The following TJP1 variants were observed in gnomAD, a reference collection of about 807,000 sequenced individuals.
The protein encoded by TJP1 is tight junction protein 1.
TJP1 carries 43 observed loss-of-function variants against 194.2 expected under a neutral mutation model. The ratio of observed to expected loss-of-function variants is 0.22; its 90% CI spans 0.17 to 0.29. TJP1 has a LOEUF of 0.29. TJP1 is among the 10% of genes least tolerant of loss of function. The probability of loss-of-function intolerance (pLI) is 1.00; values close to 1 mark genes in which losing one functional copy is unlikely to be tolerated. For synonymous variants in TJP1, 801 were observed against 779.0 expected, an observed-to-expected ratio of 1.03 and a Z score of -0.47; for missense variants, 1,971 against 2,185.7, an observed-to-expected ratio of 0.90 and a Z score of 1.96.
chr15:29,811,541 A>G (rs572476116), intron 1 of TJP1, among the ~76,000 whole-genome samples: 1 of 152,306 alleles, frequency 6.6e-6, no homozygotes, highest in Admixed American at 6.5e-5. Context: ...TTGCTAATCA[A>G]CCATTCACCA....
At chr15:29,965,020 T>A (rs1359310268) in intron 1 of TJP1, among the ~76,000 whole-genome samples, 1 of 152,070 alleles carries the variant, frequency 6.6e-6, no homozygotes, top group African/African-American at 2.4e-5. Context: ...CAGGCACAAA[T>A]GCCCAAGCGA....
chr15:29,881,868 C>T (rs569192166), intron 2 of TJP1, among the ~76,000 whole-genome samples: 11 of 151,752 alleles, frequency 7.2e-5, no homozygotes, highest in Non-Finnish European at 1.6e-4. Flanking sequence ...TTCTGTGCTA[C>T]AGAAAGTAAA....
intron 2 of TJP1, among the ~76,000 whole-genome samples, chr15:29,953,386 C>T (rs985065634): frequency 2.6e-5 from 4 of 152,116 alleles, no homozygotes; most frequent in Non-Finnish European, 5.9e-5. Flanking sequence ...AGGTGATCCA[C>T]CCACCTTGGC....
intron 23 of TJP1, among the ~76,000 whole-genome samples, chr15:29,714,954 G>A (rs1168814341): frequency 1.3e-5 from 2 of 152,144 alleles, no homozygotes; most frequent in Non-Finnish European, 1.5e-5. Context: ...TGTGTTTAAC[G>A]GTGTTTAGTA....
chr15:29,727,759 T>TAC (rs1337816036), intron 16 of TJP1, among the ~76,000 whole-genome samples, 178 bp downstream of exon 16: 1 of 152,222 alleles, frequency 6.6e-6, no homozygotes, highest in African/African-American at 2.4e-5. Context: ...TTCTGATGCC[T>TAC]ACAGTAACTA....
At chr15:29,904,081 A>C (rs1233106402) in intron 2 of TJP1, among the ~76,000 whole-genome samples, 2 of 152,126 alleles carry the variant, frequency 1.3e-5, no homozygotes, top group Non-Finnish European at 2.9e-5. Context: ...AACATCTAAA[A>C]TCCTGGATCC....
At chr15:29,921,792 A>T (rs1008668272) in intron 2 of TJP1, among the ~76,000 whole-genome samples, 2 of 152,044 alleles carry the variant, frequency 1.3e-5, no homozygotes, top group African/African-American at 4.8e-5. Context: ...CTCAACAGTA[A>T]CAAGAGTCTG....
At chr15:29,841,423 G>A (rs1442688417) in intron 2 of TJP1, among the ~76,000 whole-genome samples, 1 of 152,102 alleles carries the variant, frequency 6.6e-6, no homozygotes, top group African/African-American at 2.4e-5. Flanking sequence ...TTAAAAGGAG[G>A]CCCACCCTTC....
intron 18 of TJP1, among the ~76,000 whole-genome samples, chr15:29,724,259 G>A (rs2043109309): frequency 1.3e-5 from 2 of 152,214 alleles, no homozygotes; most frequent in Non-Finnish European, 2.9e-5. Flanking sequence ...CATCTGCCAG[G>A]CTGGGCTGGG....
At chr15:29,873,440 C>T (rs964152649) in intron 2 of TJP1, among the ~76,000 whole-genome samples, 6 of 152,198 alleles carry the variant, frequency 3.9e-5, no homozygotes, top group Admixed American at 6.5e-5. Context: ...CACACTCCTG[C>T]GGTCCCTACT....
rs201488714 is a variant in TJP1, at chr15:29,764,652, A to T, written c.589+1614T>A. Among the ~76,000 whole-genome samples, 9 of 152,310 alleles carry T rather than the reference A, an allele frequency of 5.9e-5. No individual in the cohort carries two copies. In the East Asian group the frequency reaches 1.7e-3, roughly 29 times the overall value. ...CATGCATGGGAAAAAAAGAGAAGGC[A>T]AGGGTAACTACCATGTCATCTGGGA... is the stretch of plus-strand genomic sequence containing the variant. On this transcript the variant is annotated intron_variant, in intron 5 of 27. Coordinates refer to ENST00000614355, the MANE Select transcript of TJP1 (RefSeq NM_001330239.4).
Position 29,701,345 on chromosome 15 carries a change from C to A in TJP1, c.*250G>T. ...GTGACGATAAAAAAATTACAAAAAT[C>A]ACAAAGCAAAATATCTTTGAACCTC... On this transcript the variant is annotated 3_prime_UTR_variant, in exon 28 of 28. Coordinates refer to ENST00000614355, the MANE Select transcript of TJP1 (RefSeq NM_001330239.4). 1 of 372,570 alleles carries A rather than the reference C, an allele frequency of 2.7e-6. No individual in the cohort carries two copies. Among genetic ancestry groups the A allele is most frequent in the East Asian group, 4.0e-5 (1 of 25,232 alleles). 23.1% of individuals were successfully genotyped at this position (372,570 alleles called of 1,614,324 possible). A position where few individuals can be genotyped will look rare whatever the true frequency, so the allele number is the denominator to read the frequency against.
intron 1 of TJP1, among the ~76,000 whole-genome samples, chr15:29,957,341 T>C (rs1450784123): frequency 6.6e-6 from 1 of 152,158 alleles, no homozygotes; most frequent in Non-Finnish European, 1.5e-5. Flanking sequence ...TTGAAGGGTA[T>C]AAAAAGATAT....
Position 29,951,420 on chromosome 15 carries a change from G to A in TJP1, c.306+4812C>T, listed in dbSNP as rs113320569. Among the ~76,000 whole-genome samples, 68 of 151,962 alleles carry A rather than the reference G, an allele frequency of 4.5e-4. No individual in the cohort carries two copies. In the Middle Eastern group the frequency reaches 0.01, roughly 23 times the overall value. Reference sequence around the variant, plus strand: ...TGACCTCAGAAGATCCACCCGCCTCGGCCTCCCAAAGTGCTGGGATTACAG... The same window carrying A: ...TGACCTCAGAAGATCCACCCGCCTCAGCCTCCCAAAGTGCTGGGATTACAG... On this transcript the variant is annotated intron_variant, in intron 2 of 28. Transcript: ENST00000356107.
At chr15:29,789,649 G>C (rs993777696) in intron 2 of TJP1, among the ~76,000 whole-genome samples, 1 of 152,072 alleles carries the variant, frequency 6.6e-6, no homozygotes, top group Non-Finnish European at 1.5e-5. Context: ...AAAATGTTAG[G>C]TTCTCATCAA....
In TJP1 at chr15:29,728,069, G is replaced by C. The variant is rs1595657293; in HGVS notation, c.2018-50C>G. The C allele has an allele frequency of 2.0e-6, 3 of 1,512,304 alleles. No homozygotes were observed. In the Admixed American group the frequency reaches 5.0e-5, roughly 25 times the overall value. The allele number at this position is 1,512,304 out of a possible 1,614,324, so 93.7% of individuals were successfully genotyped here. ...TAAGACATCAAATTTTCACTGGTTA[G>C]ACAGGAGTTTCTCAACTACTGGCCA... is the stretch of plus-strand genomic sequence containing the variant. On this transcript the variant is annotated intron_variant, in intron 15 of 27. Transcript: ENST00000614355.
chr15:29,832,036 T>C (rs569806589), intron 2 of TJP1, among the ~76,000 whole-genome samples: 1 of 152,314 alleles, frequency 6.6e-6, no homozygotes, highest in South Asian at 2.1e-4. Context: ...ATAGGTAGAC[T>C]GTAAATAATT....
Position 29,918,417 on chromosome 15 carries a change from T to G in TJP1, c.306+37815A>C, listed in dbSNP as rs532521643. ...CGTTAAAGACAGAAACCAAAATAAA[T>G]AAGGAGGAAGGGCTCTTGAAAATTA... On this transcript the variant is annotated intron_variant, in intron 2 of 28. Coordinates refer to the TJP1 transcript ENST00000356107. Among the ~76,000 whole-genome samples the G allele has an allele frequency of 8.5e-5, 13 of 152,168 alleles. No homozygotes were observed. The East Asian group carries it at 2.3e-3, about 27-fold the overall frequency.
chr15:29,744,274 T>C lies in TJP1; in HGVS notation c.1011-1493A>G, dbSNP rs139904770. Among the ~76,000 whole-genome samples, 200 of 152,288 alleles carry C rather than the reference T, an allele frequency of 1.3e-3. 1 individual carries two copies. The highest frequency in any genetic ancestry group is 2.6e-3 in the Non-Finnish European group (177 of 68,012). On this transcript the variant is annotated intron_variant, in intron 8 of 27. Coordinates refer to ENST00000614355, the MANE Select transcript of TJP1 (RefSeq NM_001330239.4). ...AGAAACAGACATATTCACAAAATGA[T>C]GGTAAAAGTGTATGACTATTTGAAG...
Sources: gnomAD v4.1 joint callset for allele counts (sites outside exome capture counted in the v4.1 genomes callset) on GRCh38, gnomAD v4.1.1 for gene constraint, MANE v1.5 for transcripts, NCBI Gene and HGNC (gene_info 2026-07-23, HGNC 2026-07-21) for gene names.